The following IDE variants were observed in gnomAD, a reference collection of about 807,000 sequenced individuals.
IDE encodes the protein insulin-degrading enzyme.
Under a neutral mutation model 133.2 loss-of-function variants are expected in IDE, and 58 were observed. The ratio of observed to expected loss-of-function variants is 0.44; its 90% confidence interval spans 0.35 to 0.54. The LOEUF (loss-of-function observed/expected upper bound fraction) is 0.54. IDE is among the 20% of genes least tolerant of loss of function. The pLI, the probability that IDE is intolerant of heterozygous loss-of-function variation, is 0.00. For missense variants in IDE, 981 were observed against 1,234.0 expected, an observed-to-expected ratio of 0.79 and a Z score of 3.07; for synonymous variants, 396 against 421.3, an observed-to-expected ratio of 0.94 and a Z score of 0.73.
intron 5 of IDE, among the ~76,000 whole-genome samples, chr10:92,512,180 G>A (rs1848666695): frequency 6.6e-6 from 1 of 152,186 alleles, no homozygotes; most frequent in Non-Finnish European, 1.5e-5. Flanking sequence ...TAGGGAGACA[G>A]CTCCAGGCAA....
intron 1 of IDE, among the ~76,000 whole-genome samples, chr10:92,571,012 G>A (rs537244320): frequency 8.6e-5 from 13 of 150,858 alleles, no homozygotes; most frequent in Non-Finnish European, 1.8e-4. Flanking sequence ...ACACAGTCTC[G>A]CTCAGTCACC....
At chr10:92,523,290 A>G (rs181434905) in intron 4 of IDE, among the ~76,000 whole-genome samples, 14 of 152,210 alleles carry the variant, frequency 9.2e-5, no homozygotes, top group Non-Finnish European at 1.8e-4. Flanking sequence ...CTGAGGCAGG[A>G]GAATCGTTTG....
intron 2 of IDE, among the ~76,000 whole-genome samples, chr10:92,537,028 T>G (rs1050827420): frequency 1.4e-5 from 2 of 147,684 alleles, no homozygotes; most frequent in African/African-American, 5.0e-5. Context: ...CAGAGTAAAC[T>G]CTGTCTCAAA....
At chr10:92,527,348 T>A (rs537296750) in intron 4 of IDE, among the ~76,000 whole-genome samples, 1 of 152,184 alleles carries the variant, frequency 6.6e-6, no homozygotes, top group Non-Finnish European at 1.5e-5. Context: ...CTGTAACAAC[T>A]AGAACTTTAT....
chr10:92,565,389 AAC>A (rs1385434484), intron 1 of IDE, among the ~76,000 whole-genome samples: 2 of 147,150 alleles, frequency 1.4e-5, no homozygotes, highest in Non-Finnish European at 3.0e-5. Context: ...CAGCCTGGGC[AAC>A]ACAGCGAGAC....
intron 15 of IDE, 104 bp downstream of exon 15, chr10:92,479,172 TA>T (rs35864975): frequency 4.0e-3 from 2,504 of 621,114 alleles, no homozygotes; most frequent in South Asian, 6.9e-3. Flanking sequence ...CCATAAAGAT[TA>T]AAAAAAAAAG....
In IDE at chr10:92,528,387, C is replaced by T. The variant is rs146304772; in HGVS notation, c.661+3361G>A. 6.3e-4 allele frequency among the ~76,000 whole-genome samples: 95 copies of T among 151,352 alleles called. No individual in the cohort carries two copies. The East Asian group carries it at 0.018, about 28-fold the overall frequency. On this transcript the variant is annotated intron_variant, in intron 4 of 24. Coordinates refer to ENST00000265986, the MANE Select transcript of IDE (RefSeq NM_004969.4). ...GTCTACTGTCTATCACTTTGGACTA[C>T]TAAAACTGTGGGTCAGGACCCATTA...
chr10:92,509,733 C>G (rs1395455934), intron 6 of IDE, among the ~76,000 whole-genome samples: 1 of 152,066 alleles, frequency 6.6e-6, no homozygotes, highest in Non-Finnish European at 1.5e-5. Context: ...TCAGTCAAGG[C>G]AACATGGTGA....
chr10:92,544,698 T>C (rs1842464368), intron 1 of IDE, among the ~76,000 whole-genome samples: 1 of 152,172 alleles, frequency 6.6e-6, no homozygotes, highest in Admixed American at 6.5e-5. Flanking sequence ...TAGGTCAAAA[T>C]AAATGCTCCA....
intron 15 of IDE, chr10:92,478,667 G>T: frequency 8.0e-7 from 1 of 1,257,556 alleles, no homozygotes; most frequent in Non-Finnish European, 1.0e-6. Context: ...CATTCCTGAT[G>T]CAATGCCATA....
intron 4 of IDE, among the ~76,000 whole-genome samples, chr10:92,524,295 A>G (rs1191905551): frequency 8.6e-6 from 1 of 116,342 alleles, no homozygotes; most frequent in Non-Finnish European, 1.7e-5. Context: ...ACAGAGTGAG[A>G]CTCTATCTCA....
At chr10:92,455,548 C>T in intron 24 of IDE, 28 bp downstream of exon 24, 2 of 1,365,332 alleles carry the variant, frequency 1.5e-6, no homozygotes, top group Non-Finnish European at 2.1e-6. Context: ...TCTGTCAGTA[C>T]AATCTAACAT....
chr10:92,502,689 C>T (rs937402888), intron 11 of IDE, among the ~76,000 whole-genome samples: 2 of 152,290 alleles, frequency 1.3e-5, no homozygotes, highest in African/African-American at 4.8e-5. Context: ...TTACGTTATA[C>T]AAATATTTAA....
At chr10:92,566,074 AG>A (rs1843528930) in intron 1 of IDE, among the ~76,000 whole-genome samples, 1 of 151,890 alleles carries the variant, frequency 6.6e-6, no homozygotes, top group South Asian at 2.1e-4. Flanking sequence ...CAACATATGT[AG>A]CCAGGTGCAG....
Position 92,460,129 on chromosome 10 carries a change from G to A in IDE, c.2823+1062C>T, listed in dbSNP as rs375356770. Among the ~76,000 whole-genome samples, 234 of 152,200 alleles carry A rather than the reference G, an allele frequency of 1.5e-3. 9 individuals carry two copies. The South Asian group carries it at 0.045, about 30-fold the overall frequency. Reference sequence around the variant, plus strand: ...TGGGATTACAGGCGTGAGCCACCACGCCCAGCCGGTGTGAATCTCTTAAAG... The same window carrying A: ...TGGGATTACAGGCGTGAGCCACCACACCCAGCCGGTGTGAATCTCTTAAAG... On this transcript the variant is annotated intron_variant, in intron 22 of 24. Transcript: ENST00000265986.
intron 14 of IDE, 189 bp from the exon 15 acceptor site, chr10:92,479,610 AGTGTGTGTGT>A (rs3831274): frequency 1.9e-5 from 9 of 470,280 alleles, no homozygotes; most frequent in Non-Finnish European, 2.7e-5. Context: ...AGTGTGTGTG[AGTGTGTGTGT>A]GTGTGTGTGC....
chr10:92,470,173 GT>G (rs2135371635), intron 18 of IDE, 80 bp downstream of exon 18: 1 of 934,548 alleles, frequency 1.1e-6, no homozygotes, highest in Admixed American at 2.2e-5. Context: ...CACCATGCTG[GT>G]TAACAATCTT....
intron 22 of IDE, 118 bp from the exon 23 acceptor site, chr10:92,456,549 C>T: frequency 1.3e-6 from 1 of 752,534 alleles, no homozygotes; most frequent in South Asian, 1.5e-5. Flanking sequence ...AAAGATGCTT[C>T]CCTTTCTGGC....
At chr10:92,489,462 A>G (rs1400619531) in intron 12 of IDE, among the ~76,000 whole-genome samples, 1 of 152,082 alleles carries the variant, frequency 6.6e-6, no homozygotes, top group Non-Finnish European at 1.5e-5. Flanking sequence ...AGCTAGGTGG[A>G]GGTTGCAGTG....
Sources: gnomAD v4.1 joint callset for allele counts (sites outside exome capture counted in the v4.1 genomes callset) on GRCh38, gnomAD v4.1.1 for gene constraint, MANE v1.5 for transcripts, NCBI Gene and HGNC (gene_info 2026-07-23, HGNC 2026-07-21) for gene names.